PCSK5: variants seen among roughly 807,000 people sequenced by gnomAD.
PCSK5 encodes prohormone convertase 5.
PCSK5 carries 129 observed loss-of-function variants against 233.2 expected under a neutral mutation model. That is an observed-to-expected ratio of 0.55 (90% CI 0.48 to 0.64). The LOEUF is 0.64. Among genes scored for constraint, PCSK5 ranks in the 30% least tolerant of loss-of-function variants. PCSK5 has a pLI of 0.00. For missense variants in PCSK5, 2,076 were observed against 2,430.1 expected, an observed-to-expected ratio of 0.85 and a Z score of 3.06; for synonymous variants, 825 against 879.2, an observed-to-expected ratio of 0.94 and a Z score of 1.09.
chr9:76,159,395 T>C (rs956784780), intron 12 of PCSK5, among the ~76,000 whole-genome samples: 1 of 152,116 alleles, frequency 6.6e-6, no homozygotes, highest in East Asian at 1.9e-4. Context: ...AAGGATGCAG[T>C]AGAAAAATTG....
chr9:76,275,216 G>A (rs1827652541), intron 24 of PCSK5, among the ~76,000 whole-genome samples: 1 of 152,082 alleles, frequency 6.6e-6, no homozygotes, highest in Admixed American at 6.6e-5. Context: ...CTAAGGATGA[G>A]ACCAAGATAA....
At chr9:76,255,826 T>A (rs1016763465) in intron 24 of PCSK5, among the ~76,000 whole-genome samples, 3 of 152,070 alleles carry the variant, frequency 2.0e-5, no homozygotes, top group African/African-American at 7.2e-5. Flanking sequence ...TGGAGCAAGA[T>A]CCTGTCTCAA....
chr9:76,321,528 C>T lies in PCSK5; in HGVS notation c.3991C>T (p.His1331Tyr), dbSNP rs751078835. The change falls in exon 31 of 38, where the codon CAC (histidine) becomes TAC (tyrosine). Residue 1331 changes from histidine (H) to tyrosine (Y), a missense_variant. Around this residue, in one of 6 missense-constraint regions of PCSK5, gnomAD observed 1,510 missense variants for 1,538.1 expected, o/e 0.98. Transcript: ENST00000674117. ...CHSCEGGHVLHHGVCQENCPE... is the reference protein window; with the variant it reads ...CHSCEGGHVLYHGVCQENCPE... ...TTCTTGTGAAGGAGGCCACGTCCTG[C>T]ACCACGGAGTGTGCCAGGAAAACTG... 6.3e-5 allele frequency: 101 copies of T among 1,611,772 alleles called. No homozygotes were observed. The highest frequency in any genetic ancestry group is 8.2e-5 in the Non-Finnish European group (97 of 1,178,936).
intron 2 of PCSK5, among the ~76,000 whole-genome samples, chr9:75,985,672 C>G (rs771514687): frequency 2.0e-5 from 3 of 152,176 alleles, no homozygotes; most frequent in African/African-American, 4.8e-5. Context: ...CATTCATTTA[C>G]ATATCATCTA....
chr9:76,350,008 C>A (rs1830076368), intron 35 of PCSK5, among the ~76,000 whole-genome samples: 1 of 151,774 alleles, frequency 6.6e-6, no homozygotes, highest in Non-Finnish European at 1.5e-5. Context: ...TGCAATTGAC[C>A]TTGCATGCCT....
intron 24 of PCSK5, among the ~76,000 whole-genome samples, chr9:76,275,423 T>C (rs3858118): frequency 0.14 from 20,745 of 151,850 alleles, 1,623 homozygotes; most frequent in Non-Finnish European, 0.18. Context: ...TTTTTGGGGG[T>C]TTTTTGTTTG....
rs202136817 is a variant in PCSK5, at chr9:76,274,047, C to T, written c.3143-18186C>T. On this transcript the variant is annotated intron_variant, in intron 24 of 37. Coordinates refer to ENST00000674117, the MANE Select transcript of PCSK5 (RefSeq NM_001372043.1). ...GTACCTTTCCCATTCTCTCAGTTAT[C>T]TCTTCGGAACTTTGACATTTTTTAG... Among the ~76,000 whole-genome samples the T allele has an allele frequency of 3.3e-5, 5 of 151,754 alleles. No individual in the cohort carries two copies. In the East Asian group the frequency reaches 7.7e-4, roughly 24 times the overall value.
intron 5 of PCSK5, among the ~76,000 whole-genome samples, chr9:76,064,830 G>C (rs1489655309): frequency 6.6e-6 from 1 of 152,048 alleles, no homozygotes; most frequent in South Asian, 2.1e-4. Context: ...GGGCAGAGAC[G>C]CTCCTCACTT....
At position 76,004,411 on chromosome 9, in the gene PCSK5, A is replaced by T. The variant is rs192738074; in HGVS notation, c.411+18166A>T. 4.6e-5 allele frequency among the ~76,000 whole-genome samples: 7 copies of T among 152,246 alleles called. No homozygotes were observed. The East Asian group carries it at 1.4e-3, about 29-fold the overall frequency. ...AACTTTGTTCACTTGGTGGATTGAG[A>T]TGATATCTGCTAGATTTCTCTATTG... On this transcript the variant is annotated intron_variant, in intron 3 of 37. Transcript: ENST00000674117.
chr9:76,113,428 CATA>C (rs1832302160), intron 9 of PCSK5, among the ~76,000 whole-genome samples: 1 of 152,306 alleles, frequency 6.6e-6, no homozygotes, highest in South Asian at 2.1e-4. Flanking sequence ...ATAAATCTTA[CATA>C]ATTCAGATGA....
At chr9:75,977,708 T>G (rs1268923737) in intron 2 of PCSK5, among the ~76,000 whole-genome samples, 1 of 151,234 alleles carries the variant, frequency 6.6e-6, no homozygotes, top group Non-Finnish European at 1.5e-5. Context: ...CCTCCTGGGT[T>G]CAAGCAATTC....
At chr9:75,953,184 T>C (rs1471473292) in intron 2 of PCSK5, among the ~76,000 whole-genome samples, 1 of 152,166 alleles carries the variant, frequency 6.6e-6, no homozygotes, top group Non-Finnish European at 1.5e-5. Context: ...TTTTCTTTCC[T>C]GGGCAGGGCA....
intron 24 of PCSK5, among the ~76,000 whole-genome samples, chr9:76,288,960 A>T (rs1828174888): frequency 6.6e-6 from 1 of 152,188 alleles, no homozygotes; most frequent in Admixed American, 6.5e-5. Context: ...ATAAAATGGC[A>T]TAGAATGTAA....
At chr9:76,048,373 T>TAG (rs1829498143) in intron 5 of PCSK5, among the ~76,000 whole-genome samples, 1 of 152,188 alleles carries the variant, frequency 6.6e-6, no homozygotes, top group South Asian at 2.1e-4. Context: ...TATGGTATCC[T>TAG]GTTAGAAGGA....
At chr9:76,034,331 T>C (rs1161885191) in intron 5 of PCSK5, among the ~76,000 whole-genome samples, 1 of 152,174 alleles carries the variant, frequency 6.6e-6, no homozygotes, top group African/African-American at 2.4e-5. Flanking sequence ...AAGAGTCTTA[T>C]TAAATCGTTT....
In PCSK5 at chr9:76,350,762, T is replaced by G. The variant is rs530128502; in HGVS notation, c.4967-66T>G. ...TGACATATTCCTTGTTCCTAAGTGT[T>G]CCGGAACAAAGACAGAAGTTGAAAT... On this transcript the variant is annotated intron_variant, in intron 35 of 37. Transcript: ENST00000674117. 4 of 964,172 alleles carry G rather than the reference T, an allele frequency of 4.1e-6. No homozygotes were observed. The East Asian group carries it at 9.6e-5, about 23-fold the overall frequency. The allele number at this position is 964,172 out of a possible 1,614,324, so 59.7% of individuals were successfully genotyped here.
At chr9:75,904,676 A>G (rs539911234) in intron 1 of PCSK5, among the ~76,000 whole-genome samples, 5 of 152,324 alleles carry the variant, frequency 3.3e-5, no homozygotes, top group East Asian at 1.9e-4. Flanking sequence ...CAATTCTCCA[A>G]TTTACAATGG....
At chr9:76,273,185 C>T (rs74844988) in intron 24 of PCSK5, among the ~76,000 whole-genome samples, 4,215 of 152,228 alleles carry the variant, frequency 0.028, 96 homozygotes, top group Non-Finnish European at 0.042. Flanking sequence ...CAGGTCTCAC[C>T]TAAGCTTTTG....
At chr9:76,108,134 G>T (rs756030545) in intron 9 of PCSK5, among the ~76,000 whole-genome samples, 8 of 152,080 alleles carry the variant, frequency 5.3e-5, no homozygotes, top group Non-Finnish European at 1.2e-4. Context: ...TCATGTATTT[G>T]ATTGTGAAGT....
Sources: allele counts gnomAD v4.1 joint callset (sites outside exome capture counted in the v4.1 genomes callset), GRCh38; gene constraint gnomAD v4.1.1; regional missense constraint gnomAD v4.1.1; transcripts MANE v1.5; gene names NCBI Gene and HGNC (gene_info 2026-07-23, HGNC 2026-07-21).